RASGRF1: variants seen among roughly 807,000 people sequenced by gnomAD.
RASGRF1 encodes the protein Ras protein specific guanine nucleotide releasing factor 1.
In RASGRF1, 40 loss-of-function variants were observed where a neutral mutation model predicts 138.7. That is an observed-to-expected ratio of 0.29 (90% confidence interval 0.22 to 0.38). The LOEUF is 0.38. Ranked by LOEUF, RASGRF1 falls within the 10% of genes least tolerant of loss-of-function variation. RASGRF1 has a pLI of 1.00. For synonymous variants in RASGRF1, 614 were observed against 663.2 expected (o/e 0.93, Z 1.14); for missense variants, 1,108 against 1,650.4 (o/e 0.67, Z 5.69).
intron 26 of RASGRF1, among the ~76,000 whole-genome samples, chr15:78,965,313 G>T (rs1429163354): frequency 6.6e-6 from 1 of 152,112 alleles, no homozygotes; most frequent in East Asian, 1.9e-4. Context: ...TTTCCCGGAG[G>T]TTCTTGCCCC....
At position 79,027,938 on chromosome 15, in the gene RASGRF1, C is replaced by G; in HGVS notation, c.1263-79G>C. Reference sequence around the variant, plus strand: ...GAGGCGAGAATGCCAGGCTTCTGGCCAGACCTAGGAAGAAAGCCTGGCACA... The same window carrying G: ...GAGGCGAGAATGCCAGGCTTCTGGCGAGACCTAGGAAGAAAGCCTGGCACA... On this transcript the variant is annotated intron_variant, in intron 8 of 26. Coordinates refer to ENST00000558480, the MANE Select transcript of RASGRF1 (RefSeq NM_001145648.3). The surrounding 1 kb of genome is among the most constrained non-coding windows in gnomAD (Gnocchi z 4.8). The G allele has an allele frequency of 7.1e-7, 1 of 1,416,190 alleles. No homozygotes were observed. The highest frequency in any genetic ancestry group is 9.9e-7 in the Non-Finnish European group (1 of 1,007,288). 87.7% of individuals were successfully genotyped at this position (1,416,190 alleles called of 1,614,324 possible). A position where few individuals can be genotyped will look rare whatever the true frequency, so the allele number is the denominator to read the frequency against.
chr15:78,968,528 C>T (rs2055689845), intron 26 of RASGRF1, among the ~76,000 whole-genome samples: 1 of 152,130 alleles, frequency 6.6e-6, no homozygotes, highest in South Asian at 2.1e-4. Flanking sequence ...AGTGATCCTC[C>T]TACCTCAGTC....
At chr15:79,034,385 G>A (rs1401753143) in intron 6 of RASGRF1, among the ~76,000 whole-genome samples, 1 of 152,186 alleles carries the variant, frequency 6.6e-6, no homozygotes, top group Non-Finnish European at 1.5e-5. Flanking sequence ...CAGCCATCTT[G>A]GAGAACAATG....
chr15:78,991,844 ACCT>A, intron 20 of RASGRF1, 50 bp from the exon 21 acceptor site: 1 of 1,468,282 alleles, frequency 6.8e-7, no homozygotes, highest in Non-Finnish European at 9.5e-7. Flanking sequence ...CATGACGGAC[ACCT>A]CCTGGATTCC....
chr15:79,072,101 C>T (rs978429377), intron 1 of RASGRF1, among the ~76,000 whole-genome samples: 10 of 152,056 alleles, frequency 6.6e-5, no homozygotes, highest in African/African-American at 2.2e-4. Context: ...TGCTTTGGTT[C>T]AAGGCCCAAG....
At chr15:79,019,117 C>T (rs1336961058) in intron 11 of RASGRF1, among the ~76,000 whole-genome samples, 1 of 152,012 alleles carries the variant, frequency 6.6e-6, no homozygotes, top group Non-Finnish European at 1.5e-5. Flanking sequence ...CCCCCAGGCC[C>T]ATGCCCATCC....
chr15:79,070,096 T>G (rs2057735214), intron 1 of RASGRF1, among the ~76,000 whole-genome samples: 1 of 152,184 alleles, frequency 6.6e-6, no homozygotes, highest in Admixed American at 6.5e-5. Context: ...GGTGCCTTGC[T>G]TCTGCCTGGG....
intron 11 of RASGRF1, among the ~76,000 whole-genome samples, chr15:79,019,761 G>A (rs1353176249): frequency 1.3e-5 from 2 of 152,230 alleles, no homozygotes; most frequent in African/African-American, 4.8e-5. Flanking sequence ...AACGAACCAG[G>A]AAGGTGGATC....
intron 8 of RASGRF1, among the ~76,000 whole-genome samples, chr15:79,030,329 G>A (rs969783971): frequency 7.2e-5 from 11 of 152,162 alleles, no homozygotes; most frequent in African/African-American, 2.7e-4. Flanking sequence ...TGGCAGCCTA[G>A]TTCTGACCAC....
intron 4 of RASGRF1, 87 bp downstream of exon 4, chr15:79,049,408 TG>T: frequency 1.6e-6 from 2 of 1,238,360 alleles, no homozygotes; most frequent in Non-Finnish European, 1.2e-6. Context: ...CTGAGGACAG[TG>T]GGGCTGTGGT....
intron 19 of RASGRF1, among the ~76,000 whole-genome samples, chr15:78,997,083 G>A (rs1175194713): frequency 6.6e-6 from 1 of 152,230 alleles, no homozygotes; most frequent in East Asian, 1.9e-4. Flanking sequence ...CTTGAAGCGG[G>A]TATTGTTCAC....
Position 79,006,042 on chromosome 15 carries a change from C to A in RASGRF1, c.2075+144G>T. The A allele has an allele frequency of 8.3e-7, 1 of 1,201,526 alleles. No individual in the cohort carries two copies. The highest frequency in any genetic ancestry group is 1.2e-6 in the Non-Finnish European group (1 of 864,750). 74.4% of individuals were successfully genotyped at this position (1,201,526 alleles called of 1,614,324 possible). A position where few individuals can be genotyped will look rare whatever the true frequency, so the allele number is the denominator to read the frequency against. ...GGTTCCTGGGGAGAGGGGGCAGTGG[C>A]GGTGTGTGTCCCGCAGCACCCCAAC... is the stretch of plus-strand genomic sequence containing the variant. On this transcript the variant is annotated intron_variant, in intron 14 of 26. Coordinates refer to ENST00000558480, the MANE Select transcript of RASGRF1 (RefSeq NM_001145648.3). The surrounding 1 kb of genome is among the most constrained non-coding windows in gnomAD (Gnocchi z 4.0).
At chr15:79,041,497 C>T (rs532281040) in intron 5 of RASGRF1, among the ~76,000 whole-genome samples, 12 of 152,202 alleles carry the variant, frequency 7.9e-5, no homozygotes, top group East Asian at 3.9e-4. Context: ...TGGGACAGCA[C>T]GACAAGGGGA....
intron 10 of RASGRF1, among the ~76,000 whole-genome samples, chr15:79,023,034 C>A (rs1209745591): frequency 6.6e-6 from 1 of 152,108 alleles, no homozygotes; most frequent in Non-Finnish European, 1.5e-5. Flanking sequence ...ATTAGCCGGG[C>A]ATGGTGGTGG....
At chr15:79,036,362 T>C (rs1318804202) in intron 5 of RASGRF1, among the ~76,000 whole-genome samples, 1 of 152,168 alleles carries the variant, frequency 6.6e-6, no homozygotes, top group Non-Finnish European at 1.5e-5. Flanking sequence ...ACCCTCTCTG[T>C]CCCTGGAATG....
chr15:78,983,328 G>A (rs553370568), intron 23 of RASGRF1, among the ~76,000 whole-genome samples: 2 of 152,306 alleles, frequency 1.3e-5, no homozygotes, highest in South Asian at 2.1e-4. Context: ...GACCAGGCCA[G>A]CTGACCCTAG....
intron 2 of RASGRF1, among the ~76,000 whole-genome samples, chr15:79,060,422 A>C (rs976578245): frequency 3.9e-5 from 6 of 152,192 alleles, no homozygotes; most frequent in African/African-American, 1.4e-4. Context: ...GTTTTTGTTC[A>C]CAGGTAGGTG....
chr15:79,090,129 G>A (rs2058034713), intron 1 of RASGRF1, 94 bp downstream of exon 1: 1 of 1,426,494 alleles, frequency 7.0e-7, no homozygotes, highest in South Asian at 1.5e-5. Flanking sequence ...GAGTAGAGGG[G>A]CCAAAGTTCA....
At chr15:79,081,871 C>T (rs1022696600) in intron 1 of RASGRF1, among the ~76,000 whole-genome samples, 5 of 152,184 alleles carry the variant, frequency 3.3e-5, no homozygotes, top group African/African-American at 1.2e-4. Context: ...GACACTTTAG[C>T]CTTTAAAATC....
Sources: gnomAD v4.1 joint callset for allele counts (sites outside exome capture counted in the v4.1 genomes callset) on GRCh38, gnomAD v4.1.1 for gene constraint, Gnocchi (gnomAD v3.1) non-coding constraint, MANE v1.5 for transcripts, NCBI Gene and HGNC (gene_info 2026-07-23, HGNC 2026-07-21) for gene names.